DGKD: variants seen among roughly 807,000 people sequenced by gnomAD.
The protein encoded by DGKD is diacylglycerol kinase delta, also known as DAG kinase delta.
Under a neutral mutation model 154.4 loss-of-function variants are expected in DGKD, and 68 were observed. The ratio of observed to expected loss-of-function variants is 0.44; its 90% CI spans 0.36 to 0.54. The LOEUF is 0.54. Among genes scored for constraint, DGKD ranks in the 20% least tolerant of loss-of-function variants. DGKD has a pLI of 0.00. For missense variants in DGKD, 1,343 were observed against 1,593.6 expected (o/e 0.84, Z 2.68); for synonymous variants, 693 against 638.0 (o/e 1.09, Z -1.30).
At chr2:233,393,558 G>C (rs1350451423) in intron 3 of DGKD, among the ~76,000 whole-genome samples, 4 of 150,526 alleles carry the variant, frequency 2.7e-5, no homozygotes, top group African/African-American at 9.8e-5. Flanking sequence ...GGCTGGTCTT[G>C]ACCTCCTGAC....
chr2:233,394,893 A>C (rs1703908581), intron 3 of DGKD, among the ~76,000 whole-genome samples: 1 of 150,852 alleles, frequency 6.6e-6, no homozygotes, highest in Admixed American at 6.6e-5. Context: ...TTTTGTAGAG[A>C]TGGGGTCTAA....
intron 2 of DGKD, among the ~76,000 whole-genome samples, chr2:233,389,959 T>G (rs1157301652): frequency 6.6e-6 from 1 of 152,142 alleles, no homozygotes; most frequent in African/African-American, 2.4e-5. Context: ...ACCTTCCCCC[T>G]CCATGTGCTC....
At position 233,460,360 on chromosome 2, in the gene DGKD, C is replaced by T. The variant is rs749792611; in HGVS notation, c.2981+15C>T. On this transcript the variant is annotated intron_variant, in intron 24 of 29. Coordinates refer to ENST00000264057, the MANE Select transcript of DGKD (RefSeq NM_152879.3). The stretch of plus-strand genomic sequence containing the variant: ...CTCATTCACAGGTGGGCTCCTACCC[C>T]TCTGCGTTGCGCATGAGCCTCCCCC... The T allele has an allele frequency of 5.0e-6, 8 of 1,613,278 alleles. No homozygotes were observed. In the African/African-American group the frequency reaches 8.0e-5, roughly 16 times the overall value.
At chr2:233,414,222 G>A (rs1310138702) in intron 3 of DGKD, among the ~76,000 whole-genome samples, 1 of 152,224 alleles carries the variant, frequency 6.6e-6, no homozygotes, top group African/African-American at 2.4e-5. Flanking sequence ...CATGACTGCT[G>A]TGGCTACAGA....
Position 233,464,207 on chromosome 2 carries a change from C to A in DGKD, c.3230C>A (p.Ala1077Asp). The A allele has an allele frequency of 6.2e-7, 1 of 1,613,654 alleles. No homozygotes were observed. Among genetic ancestry groups the A allele is most frequent in the Non-Finnish European group, 8.5e-7 (1 of 1,180,036 alleles). ...AAGGAGCAGCTGGGGAGTGCTCTTG[C>A]CGAGATGGACCGACAGCTCAGGAGG... is the stretch of plus-strand genomic sequence containing the variant. Reference protein sequence around the residue: ...PQKEQLGSALAEMDRQLRRLA... With the variant: ...PQKEQLGSALDEMDRQLRRLA... The change falls in exon 27 of 30, where the codon GCC (alanine) becomes GAC (aspartate). Residue 1077 changes from alanine (A) to aspartate (D), a missense_variant. Ala to Asp is a moderately radical substitution (Grantham distance 126, BLOSUM62 -2). Coordinates refer to ENST00000264057, the MANE Select transcript of DGKD (RefSeq NM_152879.3).
At chr2:233,461,576 G>T (rs974298902) in intron 24 of DGKD, among the ~76,000 whole-genome samples, 16 of 152,376 alleles carry the variant, frequency 1.1e-4, no homozygotes, top group Admixed American at 1.0e-3. Context: ...GATGGGGCTG[G>T]AGGACTTCAG....
intron 23 of DGKD, 27 bp from the exon 24 acceptor site, chr2:233,460,163 AGCAG>A (rs2063581340): frequency 6.2e-7 from 1 of 1,610,918 alleles, no homozygotes; most frequent in Non-Finnish European, 8.5e-7. Flanking sequence ...GCTTCAGAGC[AGCAG>A]GTGTAATTGG....
rs1349338116 is a variant in DGKD, at chr2:233,449,954, C to T, written c.1889-28C>T. On this transcript the variant is annotated intron_variant, in intron 15 of 29. Transcript: ENST00000264057. The surrounding 1 kb of genome is among the most constrained non-coding windows in gnomAD (Gnocchi z 5.3). ...GCGCCCTTGGCTTTGCACCCGCGTG[C>T]TCAGCCGCACACACTCTCCTTGCAC... 6.4e-7 allele frequency: 1 copy of T among 1,551,602 alleles called. No individual in the cohort carries two copies. The highest frequency in any genetic ancestry group is 8.7e-7 in the Non-Finnish European group (1 of 1,146,310).
chr2:233,365,223 A>G (rs1256397936), intron 1 of DGKD, among the ~76,000 whole-genome samples: 2 of 152,144 alleles, frequency 1.3e-5, no homozygotes, highest in Non-Finnish European at 2.9e-5. Flanking sequence ...GAACAACACA[A>G]GAACGGAACT....
chr2:233,364,408 G>T (rs1197104461), intron 1 of DGKD, among the ~76,000 whole-genome samples: 1 of 152,162 alleles, frequency 6.6e-6, no homozygotes, highest in Non-Finnish European at 1.5e-5. Flanking sequence ...ACGTGGGAAA[G>T]ACCAAATGAT....
intron 1 of DGKD, among the ~76,000 whole-genome samples, chr2:233,378,790 C>G (rs542075454): frequency 6.6e-6 from 1 of 152,086 alleles, no homozygotes; most frequent in Non-Finnish European, 1.5e-5. Context: ...AACTTCCTGG[C>G]GAGGTGTAGT....
intron 12 of DGKD, among the ~76,000 whole-genome samples, 187 bp downstream of exon 12, chr2:233,446,983 T>C (rs557463897): frequency 6.6e-6 from 1 of 152,318 alleles, no homozygotes; most frequent in South Asian, 2.1e-4. Flanking sequence ...GGCAGGGGCC[T>C]TTTGGGCTTT....
intron 18 of DGKD, 173 bp from the exon 19 acceptor site, chr2:233,454,590 T>C (rs2063395792): frequency 3.4e-6 from 2 of 590,380 alleles, no homozygotes; most frequent in Non-Finnish European, 6.2e-6. Flanking sequence ...ATAATTGAAT[T>C]GTACATTTTA....
intron 3 of DGKD, among the ~76,000 whole-genome samples, chr2:233,410,235 TTTGA>T (rs1014467830): frequency 1.1e-3 from 164 of 150,420 alleles, no homozygotes; most frequent in African/African-American, 3.8e-3. Flanking sequence ...CACCCCATTC[TTTGA>T]TTTTTTTTCT....
chr2:233,446,931 G>GCCTC, intron 12 of DGKD, 135 bp downstream of exon 12: 1 of 1,016,926 alleles, frequency 9.8e-7, no homozygotes, highest in Non-Finnish European at 1.4e-6. Context: ...GCCTGCGGAG[G>GCCTC]CGCAGGGTGA....
In DGKD at chr2:233,467,172, CA is replaced by C; in HGVS notation, c.3396del (p.Glu1133LysfsTer57). 6.2e-7 allele frequency: 1 copy of C among 1,614,186 alleles called. No homozygotes were observed. The highest frequency in any genetic ancestry group is 8.5e-7 in the Non-Finnish European group (1 of 1,180,012). ...KFKKEKNNKN[K>X]EAHSSLGAPV... ...TTAAAAAGGAGAAAAACAACAAGAA[CA>C]AAGAAGCTCACAGTAGCCTGGGAGC... is the stretch of plus-strand genomic sequence containing the variant. On this transcript the variant is annotated frameshift_variant, in exon 28 of 30. Transcript: ENST00000264057. LOFTEE classifies it high-confidence loss of function.
chr2:233,386,904 T>C (rs1278137580), intron 1 of DGKD, among the ~76,000 whole-genome samples: 2 of 152,158 alleles, frequency 1.3e-5, no homozygotes, highest in Admixed American at 1.3e-4. Flanking sequence ...AAGGGCACAG[T>C]GAGGATGGCT....
chr2:233,388,219 G>C, intron 1 of DGKD, 38 bp from the exon 2 acceptor site: 1 of 1,596,302 alleles, frequency 6.3e-7, no homozygotes, highest in Non-Finnish European at 8.5e-7. Context: ...AGGGCACCTT[G>C]AAAACGCAAG....
At chr2:233,392,733 C>A (rs1377103882) in intron 3 of DGKD, among the ~76,000 whole-genome samples, 1 of 152,112 alleles carries the variant, frequency 6.6e-6, no homozygotes, top group African/African-American at 2.4e-5. Flanking sequence ...AGAAATAAAT[C>A]CTAAAATATT....
Sources: allele counts gnomAD v4.1 joint callset (sites outside exome capture counted in the v4.1 genomes callset), GRCh38; gene constraint gnomAD v4.1.1; non-coding constraint Gnocchi (gnomAD v3.1); transcripts MANE v1.5; gene names NCBI Gene and HGNC (gene_info 2026-07-23, HGNC 2026-07-21).